KLF12: variants seen among roughly 807,000 people sequenced by gnomAD.
KLF12 encodes KLF transcription factor 12, also known as Krueppel-like factor 12.
In KLF12, 9 loss-of-function variants were observed where a neutral mutation model predicts 37.8. The ratio of observed to expected loss-of-function variants is 0.24; its 90% confidence interval spans 0.14 to 0.42. KLF12 has a LOEUF of 0.42. KLF12 is among the 10% of genes least tolerant of loss of function. The pLI is 1.00. For missense variants in KLF12, 411 were observed against 516.0 expected (o/e 0.80, Z 1.97); for synonymous variants, 208 against 202.1 (o/e 1.03, Z -0.25).
intron 3 of KLF12, among the ~76,000 whole-genome samples, chr13:73,874,267 C>T (rs547083664): frequency 6.6e-6 from 1 of 152,248 alleles, no homozygotes; most frequent in East Asian, 1.9e-4. Flanking sequence ...ATAGACAGTT[C>T]TACATAGGTA....
Position 74,063,437 on chromosome 13 carries a change from A to C in KLF12, c.-31-68384T>G, listed in dbSNP as rs958549397. ...GGACATCAAAACTGCTAGGTAAATT[A>C]ACCTTATTTAACAACCTTCATATTT... On this transcript the variant is annotated intron_variant, in intron 1 of 7. Coordinates refer to ENST00000377669, the MANE Select transcript of KLF12 (RefSeq NM_007249.5). Among the ~76,000 whole-genome samples, 38 of 152,230 alleles carry C rather than the reference A, an allele frequency of 2.5e-4. 2 individuals carry two copies. The highest frequency in any genetic ancestry group is 1.6e-4 in the Non-Finnish European group (11 of 68,040).
At chr13:74,276,953 C>T in the KLF12 span, among the ~76,000 whole-genome samples, 1 of 152,196 alleles carries the variant, frequency 6.6e-6, no homozygotes, top group African/African-American at 2.4e-5. Flanking sequence ...CACTTCTGCC[C>T]ATTGATTTAG....
chr13:73,859,407 T>C (rs550736295), intron 3 of KLF12, among the ~76,000 whole-genome samples: 2 of 152,130 alleles, frequency 1.3e-5, no homozygotes, highest in Non-Finnish European at 2.9e-5. Flanking sequence ...TAAGACTGAA[T>C]CCACCTCCCC....
chr13:74,030,900 A>G (rs1390653669), intron 1 of KLF12, among the ~76,000 whole-genome samples: 29 of 152,130 alleles, frequency 1.9e-4, no homozygotes, highest in Admixed American at 1.9e-3. Flanking sequence ...ACTAAGACTC[A>G]AGCTATAATT....
At chr13:74,126,587 A>T (rs1007236654) in intron 1 of KLF12, among the ~76,000 whole-genome samples, 1 of 152,196 alleles carries the variant, frequency 6.6e-6, no homozygotes, top group African/African-American at 2.4e-5. Flanking sequence ...TCTCATAACT[A>T]GATGCTTTCA....
At chr13:74,111,469 ATAAT>A (rs1199378216) in intron 1 of KLF12, among the ~76,000 whole-genome samples, 1 of 152,194 alleles carries the variant, frequency 6.6e-6, no homozygotes, top group Non-Finnish European at 1.5e-5. Flanking sequence ...TAAAATATCT[ATAAT>A]CAATTTACCT....
At chr13:73,926,409 G>A (rs538894034) in intron 3 of KLF12, among the ~76,000 whole-genome samples, 1 of 152,056 alleles carries the variant, frequency 6.6e-6, no homozygotes, top group African/African-American at 2.4e-5. Context: ...TAAAATTAAG[G>A]TATATACATT....
chr13:74,249,305 A>G, the KLF12 span, among the ~76,000 whole-genome samples: 2 of 150,970 alleles, frequency 1.3e-5, no homozygotes, highest in South Asian at 4.2e-4. Context: ...TTGCATTTCT[A>G]CTGCACAGTA....
the KLF12 span, among the ~76,000 whole-genome samples, chr13:74,163,928 G>C: frequency 1.3e-5 from 2 of 150,502 alleles, no homozygotes; most frequent in African/African-American, 4.9e-5. Flanking sequence ...GAATAAGAAA[G>C]AAAAAGTAAA....
chr13:73,935,267 G>C (rs1314083111), intron 3 of KLF12, among the ~76,000 whole-genome samples: 1 of 152,162 alleles, frequency 6.6e-6, no homozygotes, highest in Non-Finnish European at 1.5e-5. Context: ...GGGATTACAG[G>C]CATGAGCCAT....
intron 2 of KLF12, among the ~76,000 whole-genome samples, chr13:73,972,970 T>A (rs938882597): frequency 2.0e-5 from 3 of 151,922 alleles, no homozygotes; most frequent in African/African-American, 7.3e-5. Context: ...ACACCAAGAA[T>A]GACAGAAATC....
the KLF12 span, among the ~76,000 whole-genome samples, chr13:74,274,275 A>C: frequency 6.6e-6 from 1 of 152,142 alleles, no homozygotes; most frequent in African/African-American, 2.4e-5. Context: ...GCACTTAAAA[A>C]AAAGACCTAA....
chr13:74,230,117 T>A, the KLF12 span, among the ~76,000 whole-genome samples: 1 of 150,660 alleles, frequency 6.6e-6, no homozygotes, highest in Non-Finnish European at 1.5e-5. Context: ...TCCCCATGTG[T>A]GTTGGGAGGG....
chr13:73,911,412 A>C (rs547807838), intron 3 of KLF12, among the ~76,000 whole-genome samples: 2 of 152,362 alleles, frequency 1.3e-5, no homozygotes, highest in South Asian at 4.1e-4. Context: ...ATGACAAAGA[A>C]AGACCCAAGT....
intron 1 of KLF12, among the ~76,000 whole-genome samples, chr13:74,022,105 T>G (rs1251801474): frequency 6.6e-6 from 1 of 152,148 alleles, no homozygotes; most frequent in Non-Finnish European, 1.5e-5. Context: ...CTAAATATAC[T>G]GTCATTATGA....
At chr13:74,037,572 C>T (rs1025524469) in intron 1 of KLF12, among the ~76,000 whole-genome samples, 3 of 152,166 alleles carry the variant, frequency 2.0e-5, no homozygotes, top group African/African-American at 7.2e-5. Flanking sequence ...CAATTTTTAG[C>T]TCATTAATAC....
At chr13:74,236,006 A>G in the KLF12 span, among the ~76,000 whole-genome samples, 1 of 150,380 alleles carries the variant, frequency 6.6e-6, no homozygotes, top group Admixed American at 6.6e-5. Context: ...CAGGTTAGTT[A>G]CATATGTATA....
chr13:74,155,128 C>T, the KLF12 span, among the ~76,000 whole-genome samples: 2 of 152,130 alleles, frequency 1.3e-5, no homozygotes, highest in African/African-American at 4.8e-5. Flanking sequence ...TCACAGGATC[C>T]TGGTTCTGAC....
At chr13:74,051,617 C>T (rs1422373573) in intron 1 of KLF12, among the ~76,000 whole-genome samples, 1 of 151,888 alleles carries the variant, frequency 6.6e-6, no homozygotes, top group Non-Finnish European at 1.5e-5. Context: ...CAACCATGTA[C>T]ATCAGATGAT....
Sources: allele counts gnomAD v4.1 joint callset (sites outside exome capture counted in the v4.1 genomes callset), GRCh38; gene constraint gnomAD v4.1.1; transcripts MANE v1.5; gene names NCBI Gene and HGNC (gene_info 2026-07-23, HGNC 2026-07-21).